The following CEP89 variants were observed in gnomAD, a reference collection of about 807,000 sequenced individuals.
CEP89 encodes the protein centrosomal protein 89.
A neutral mutation model predicts 97.6 loss-of-function variants in CEP89; 95 were observed. The ratio of observed to expected loss-of-function variants is 0.97; its 90% CI spans 0.82 to 1.15. The LOEUF (loss-of-function observed/expected upper bound fraction) is 1.15. Ranked by LOEUF, CEP89 falls within the 50% of genes most tolerant of loss-of-function variation. The pLI is 0.00. For missense variants in CEP89, 869 were observed against 947.7 expected (o/e 0.92, Z 1.09); for synonymous variants, 354 against 349.1 (o/e 1.01, Z -0.16).
At chr19:32,909,231 T>C (rs927357061) in intron 14 of CEP89, among the ~76,000 whole-genome samples, 2 of 152,182 alleles carry the variant, frequency 1.3e-5, no homozygotes, top group African/African-American at 4.8e-5. Flanking sequence ...TGGGGAGAGC[T>C]AAAGATTTAA....
At chr19:32,879,705 C>G (rs1189289058) in intron 18 of CEP89, among the ~76,000 whole-genome samples, 2 of 152,204 alleles carry the variant, frequency 1.3e-5, no homozygotes, top group African/African-American at 4.8e-5. Flanking sequence ...TGTTTTCTCT[C>G]AAGAATGAAC....
intron 14 of CEP89, among the ~76,000 whole-genome samples, chr19:32,909,824 C>A (rs1969961479): frequency 1.3e-5 from 2 of 152,182 alleles, no homozygotes; most frequent in African/African-American, 4.8e-5. Flanking sequence ...CGAGAGACAC[C>A]AGAAAGGAAG....
At chr19:32,944,504 A>C (rs1035285361) in intron 5 of CEP89, among the ~76,000 whole-genome samples, 9 of 152,188 alleles carry the variant, frequency 5.9e-5, no homozygotes, top group African/African-American at 9.7e-5. Context: ...ATGAAGCCAG[A>C]AAACCATCCA....
Position 32,882,068 on chromosome 19 carries a change from A to G in CEP89, c.1966-55T>C, listed in dbSNP as rs73926174. The G allele has an allele frequency of 0.019, 28,499 of 1,472,020 alleles. 2,766 individuals are homozygous for G. The African/African-American group carries it at 0.27, about 14-fold the overall frequency. The allele number at this position is 1,472,020 out of a possible 1,614,324, so 91.2% of individuals were successfully genotyped here. ...GGGACGCTGCCAGGCCAGGGTGGAC[A>G]GTGCCTCCTGGCTGTGCTCCCTACC... On this transcript the variant is annotated intron_variant, in intron 17 of 18. Transcript: ENST00000305768.
chr19:32,947,316 G>C (rs1382214277), intron 5 of CEP89, among the ~76,000 whole-genome samples: 1 of 152,004 alleles, frequency 6.6e-6, no homozygotes, highest in Non-Finnish European at 1.5e-5. Flanking sequence ...TTTCCTAGTG[G>C]GCCACTGTGG....
chr19:32,953,623 T>G lies in CEP89; in HGVS notation c.484A>C (p.Arg162=). Residue 162 remains arginine (R), a synonymous_variant, in exon 4 of 19, where the codon AGA becomes CGA. Transcript: ENST00000305768. ...GGGAACATAGAAAACACCTGATTTC[T>G]GTGTGGCACAGCGTACAGGTCATCA... ...HSDDLYAVPH[R]NQVPLLHEVN... 2 of 1,599,032 alleles carry G rather than the reference T, an allele frequency of 1.3e-6. No individual in the cohort carries two copies. The highest frequency in any genetic ancestry group is 2.2e-5 in the South Asian group (2 of 89,820).
At chr19:32,913,459 C>T (rs1555790488) in intron 14 of CEP89, among the ~76,000 whole-genome samples, 1 of 151,778 alleles carries the variant, frequency 6.6e-6, no homozygotes, top group Admixed American at 6.6e-5. Context: ...TATATATATA[C>T]ACGCACATAC....
intron 18 of CEP89, among the ~76,000 whole-genome samples, chr19:32,881,173 T>C (rs1969272414): frequency 6.6e-6 from 1 of 152,148 alleles, no homozygotes; most frequent in African/African-American, 2.4e-5. Context: ...CAGTGGCTCA[T>C]GCTTGTAATC....
intron 5 of CEP89, among the ~76,000 whole-genome samples, chr19:32,947,568 G>A (rs3885894): frequency 0.21 from 32,002 of 152,008 alleles, 3,811 homozygotes; most frequent in African/African-American, 0.29. Flanking sequence ...TCAGCTCACT[G>A]CAGCCTCTGC....
At chr19:32,932,009 G>A (rs1022758698) in intron 8 of CEP89, among the ~76,000 whole-genome samples, 3 of 151,982 alleles carry the variant, frequency 2.0e-5, no homozygotes, top group Admixed American at 1.3e-4. Flanking sequence ...GTGAAACCCC[G>A]TCTCTACTAA....
At chr19:32,937,501 T>A in intron 7 of CEP89, 130 bp downstream of exon 7, 1 of 780,770 alleles carries the variant, frequency 1.3e-6, no homozygotes, top group Non-Finnish European at 2.2e-6. Flanking sequence ...CCCTCTCTTT[T>A]GAGGCAAGGG....
intron 3 of CEP89, among the ~76,000 whole-genome samples, chr19:32,957,203 A>T (rs373791404): frequency 6.6e-6 from 1 of 151,830 alleles, no homozygotes; most frequent in African/African-American, 2.4e-5. Flanking sequence ...TATTGCATCA[A>T]TTGAGGGGTA....
chr19:32,935,824 T>G (rs1424044876), intron 7 of CEP89, among the ~76,000 whole-genome samples: 1 of 151,858 alleles, frequency 6.6e-6, no homozygotes, highest in Admixed American at 6.6e-5. Flanking sequence ...GACCCGAGAA[T>G]CTCTGTGTTC....
chr19:32,924,980 A>T (rs1970325130), intron 11 of CEP89, among the ~76,000 whole-genome samples: 1 of 152,214 alleles, frequency 6.6e-6, no homozygotes, highest in Admixed American at 6.5e-5. Flanking sequence ...TAGGATTGTT[A>T]TATATTCAAT....
Position 32,881,916 on chromosome 19 carries a change from T to C in CEP89, c.2063A>G (p.Gln688Arg), listed in dbSNP as rs762027476. The C allele has an allele frequency of 6.2e-7, 1 of 1,605,822 alleles. No homozygotes were observed. Among genetic ancestry groups the C allele is most frequent in the South Asian group, 1.1e-5 (1 of 89,700 alleles). ...DFAGKTAQYR[Q>R]EMRHLHQVLK... ...CACCTGGTGCAGGTGCCGCATCTCCTGCCGGTACTGGGCTGTCTTGCCGGC... is the reference window on the plus strand; with the variant it reads ...CACCTGGTGCAGGTGCCGCATCTCCCGCCGGTACTGGGCTGTCTTGCCGGC... Residue 688 changes from glutamine to arginine, a missense_variant, in exon 18 of 19, where the codon CAG becomes CGG. Gln to Arg is a conservative substitution (Grantham distance 43). Transcript: ENST00000305768.
chr19:32,953,937 C>T (rs917147068), intron 3 of CEP89, 136 bp from the exon 4 acceptor site: 16 of 606,494 alleles, frequency 2.6e-5, no homozygotes, highest in South Asian at 1.5e-4. Flanking sequence ...GGCACAATCT[C>T]GGCTCACTGC....
chr19:32,902,002 C>CTGTGTGTGTGTGTGTGTG (rs1471468250), intron 14 of CEP89, among the ~76,000 whole-genome samples: 114 of 105,012 alleles, frequency 1.1e-3, no homozygotes, highest in African/African-American at 4.6e-3. Flanking sequence ...CTCTGTCTCT[C>CTGTGTGTGTGTGTGTGTG]TCTCTCTCTG....
rs1970848352 is a variant in CEP89 at position 32,948,667 on chromosome 19, C to T, written c.493-299G>A. Among the ~76,000 whole-genome samples, 5 of 152,244 alleles carry T rather than the reference C, an allele frequency of 3.3e-5. No individual in the cohort carries two copies. The South Asian group carries it at 1.0e-3, about 32-fold the overall frequency. On this transcript the variant is annotated intron_variant, in intron 4 of 18. Coordinates refer to ENST00000305768, the MANE Select transcript of CEP89 (RefSeq NM_032816.5). ...GCCAGGGCAGCTTCCCTTCCTCATC[C>T]CTGCCAGGGACCACCCAATGCCACT...
chr19:32,895,728 A>G (rs181439324), intron 16 of CEP89, among the ~76,000 whole-genome samples: 225 of 148,028 alleles, frequency 1.5e-3, no homozygotes, highest in African/African-American at 5.3e-3. Flanking sequence ...ACTAGACTTC[A>G]CCAAACGACT....
Sources: gnomAD v4.1 joint callset for allele counts (sites outside exome capture counted in the v4.1 genomes callset) on GRCh38, gnomAD v4.1.1 for gene constraint, MANE v1.5 for transcripts, NCBI Gene and HGNC (gene_info 2026-07-23, HGNC 2026-07-21) for gene names.